The following TMEM132B variants were observed in gnomAD, a reference collection of about 807,000 sequenced individuals.
TMEM132B encodes the protein transmembrane protein 132B.
Under a neutral mutation model 90.8 loss-of-function variants are expected in TMEM132B, and 18 were observed. The observed-to-expected ratio is 0.20, with a 90% CI of 0.14 to 0.29. The LOEUF (loss-of-function observed/expected upper bound fraction) is 0.29, where lower values mean the gene tolerates loss of function less well. Among genes scored for constraint, TMEM132B ranks in the 10% least tolerant of loss-of-function variants. The probability of loss-of-function intolerance (pLI) is 1.00; values close to 1 mark genes in which losing one functional copy is unlikely to be tolerated. For missense variants in TMEM132B, 1,096 were observed against 1,326.8 expected, an observed-to-expected ratio of 0.83 and a Z score of 2.70; for synonymous variants, 504 against 523.3, an observed-to-expected ratio of 0.96 and a Z score of 0.50.
intron 1 of TMEM132B, among the ~76,000 whole-genome samples, chr12:125,279,777 A>G (rs994389697): frequency 2.0e-5 from 3 of 152,322 alleles, no homozygotes; most frequent in East Asian, 3.9e-4. Flanking sequence ...AACATATGAG[A>G]GTGGTCTTGA....
chr12:125,210,241 A>G (rs1873289591), intron 1 of TMEM132B, among the ~76,000 whole-genome samples: 1 of 152,082 alleles, frequency 6.6e-6, no homozygotes, highest in East Asian at 1.9e-4. Flanking sequence ...TAATGTTTGA[A>G]CAGAGATCCA....
intron 4 of TMEM132B, among the ~76,000 whole-genome samples, chr12:125,522,986 T>G (rs1362775020): frequency 6.6e-6 from 1 of 152,200 alleles, no homozygotes; most frequent in South Asian, 2.1e-4. Context: ...ACACTGGATT[T>G]CAAGCTCCCT....
intron 3 of TMEM132B, among the ~76,000 whole-genome samples, chr12:125,430,077 G>T (rs1880453357): frequency 6.6e-6 from 1 of 152,204 alleles, no homozygotes. Flanking sequence ...CTTCCACAAT[G>T]AATCACTGTT....
chr12:125,497,245 C>T (rs1592956380), intron 3 of TMEM132B, among the ~76,000 whole-genome samples: 1 of 152,220 alleles, frequency 6.6e-6, no homozygotes, highest in Non-Finnish European at 1.5e-5. Flanking sequence ...CAAATCTCAG[C>T]TTGGATGTTC....
chr12:125,574,341 G>A (rs149629252), intron 4 of TMEM132B, among the ~76,000 whole-genome samples: 54 of 152,148 alleles, frequency 3.5e-4, no homozygotes, highest in African/African-American at 1.2e-3. Context: ...TCTCAAATGT[G>A]GTACCAGATT....
Position 125,655,390 on chromosome 12 carries a change from A to T in TMEM132B, c.*680A>T, listed in dbSNP as rs921969114. On this transcript the variant is annotated 3_prime_UTR_variant, in exon 9 of 9. Transcript: ENST00000682704. ...GTTTTCTGCACTTCATCATCTAGGG[A>T]TGGTATCCAAGAAGCTTATTCTCAC... 6.6e-6 allele frequency: 1 copy of T among 152,120 alleles called. No individual in the cohort carries two copies. Among genetic ancestry groups the T allele is most frequent in the Non-Finnish European group, 1.5e-5 (1 of 68,042 alleles). The allele number at this position is 152,120 out of a possible 1,614,324, so 9.4% of individuals were successfully genotyped here.
intron 5 of TMEM132B, among the ~76,000 whole-genome samples, chr12:125,629,103 C>G (rs1336360752): frequency 1.3e-5 from 2 of 151,698 alleles, no homozygotes; most frequent in Non-Finnish European, 2.9e-5. Context: ...GTTTTGCTTT[C>G]TTTGCTTAGG....
chr12:125,536,407 C>T (rs770574505), intron 4 of TMEM132B, among the ~76,000 whole-genome samples: 1 of 152,142 alleles, frequency 6.6e-6, no homozygotes, highest in Non-Finnish European at 1.5e-5. Flanking sequence ...TACCATAAAC[C>T]TCCTGGGGGG....
chr12:125,197,152 C>T (rs912299228), intron 1 of TMEM132B, among the ~76,000 whole-genome samples: 6 of 151,938 alleles, frequency 3.9e-5, no homozygotes, highest in Non-Finnish European at 8.8e-5. Context: ...TCTCCCGCCT[C>T]CCACCCTGCA....
chr12:125,310,399 C>T (rs890431538), intron 1 of TMEM132B, among the ~76,000 whole-genome samples: 4 of 152,202 alleles, frequency 2.6e-5, no homozygotes, highest in Admixed American at 2.0e-4. Flanking sequence ...TTGCTAGGCA[C>T]ACTGCCTGTC....
chr12:125,321,981 A>T (rs1876437969), intron 1 of TMEM132B, among the ~76,000 whole-genome samples: 1 of 152,252 alleles, frequency 6.6e-6, no homozygotes, highest in Admixed American at 6.5e-5. Context: ...AAAAAGGCAC[A>T]ACCTACTGAT....
chr12:125,320,768 C>CTGG (rs1876408644), intron 1 of TMEM132B, among the ~76,000 whole-genome samples: 1 of 152,198 alleles, frequency 6.6e-6, no homozygotes, highest in Admixed American at 6.5e-5. Flanking sequence ...TGGGGTCAGG[C>CTGG]TGGTCTTAGA....
intron 1 of TMEM132B, among the ~76,000 whole-genome samples, chr12:125,288,291 C>T (rs931664171): frequency 6.6e-6 from 1 of 151,254 alleles, no homozygotes; most frequent in Non-Finnish European, 1.5e-5. Flanking sequence ...GGTGAAACCC[C>T]GTCTCTACTA....
chr12:125,308,265 T>C (rs1876043594), intron 1 of TMEM132B, among the ~76,000 whole-genome samples: 1 of 151,992 alleles, frequency 6.6e-6, no homozygotes, highest in African/African-American at 2.4e-5. Flanking sequence ...AACTTGCCTA[T>C]TTTCCCTCAA....
chr12:125,198,799 T>C (rs1411494672), intron 1 of TMEM132B, among the ~76,000 whole-genome samples: 1 of 152,206 alleles, frequency 6.6e-6, no homozygotes. Context: ...GATTGATGCC[T>C]CTGGGGTCCC....
At chr12:125,288,999 G>A (rs1003538716) in intron 1 of TMEM132B, among the ~76,000 whole-genome samples, 11 of 152,196 alleles carry the variant, frequency 7.2e-5, no homozygotes, top group Non-Finnish European at 1.2e-4. Flanking sequence ...GGGTTGGCTC[G>A]TAGGCAACGC....
rs77552741 is a variant in TMEM132B at position 125,312,280 on chromosome 12, C to T, written c.68-37172C>T. Reference sequence around the variant, plus strand: ...GTTTGGATGCTCTAAATCATCCCATCGTTGCCCAGCAGGCGCTCCTTCCAG... The same window carrying T: ...GTTTGGATGCTCTAAATCATCCCATTGTTGCCCAGCAGGCGCTCCTTCCAG... On this transcript the variant is annotated intron_variant, in intron 1 of 8. Transcript: ENST00000682704. 3.6e-3 allele frequency among the ~76,000 whole-genome samples: 543 copies of T among 152,332 alleles called. 10 individuals carry two copies. Among genetic ancestry groups the T allele is most frequent in the African/African-American group, 0.012 (518 of 41,576 alleles).
rs72059024 is a variant in TMEM132B at position 125,188,852 on chromosome 12, CA to C, written c.67+2007del. Among the ~76,000 whole-genome samples the C allele has an allele frequency of 1.1e-4, 10 of 91,208 alleles. No homozygotes were observed. In the South Asian group the frequency reaches 2.2e-3, roughly 20 times the overall value. 59.8% of individuals were successfully genotyped at this position (91,208 alleles called of 152,430 possible). On this transcript the variant is annotated intron_variant, in intron 1 of 8. Transcript: ENST00000682704. ...ATTTAGCACTAGTTAGGAGGGATGG[CA>C]AAAAAAAAAAAAAAAAAAAAGAAAA... is the stretch of plus-strand genomic sequence containing the variant.
At chr12:125,372,801 C>A (rs1001740236) in intron 2 of TMEM132B, among the ~76,000 whole-genome samples, 2 of 152,126 alleles carry the variant, frequency 1.3e-5, no homozygotes, top group Non-Finnish European at 2.9e-5. Flanking sequence ...GACGGACCAC[C>A]CACCCCACCG....
Sources: allele counts gnomAD v4.1 joint callset (sites outside exome capture counted in the v4.1 genomes callset), GRCh38; gene constraint gnomAD v4.1.1; transcripts MANE v1.5; gene names NCBI Gene and HGNC (gene_info 2026-07-23, HGNC 2026-07-21).